The following PTPRT variants were observed in gnomAD, a reference collection of about 807,000 sequenced individuals.
PTPRT encodes receptor-type tyrosine-protein phosphatase T.
A neutral mutation model predicts 176.8 loss-of-function variants in PTPRT; 56 were observed. The observed-to-expected ratio is 0.32, with a 90% CI of 0.26 to 0.40. The LOEUF (loss-of-function observed/expected upper bound fraction) is 0.40, where lower values mean the gene tolerates loss of function less well. PTPRT is among the 10% of genes least tolerant of loss of function. The probability of loss-of-function intolerance (pLI) is 1.00; values close to 1 mark genes in which losing one functional copy is unlikely to be tolerated. For synonymous variants in PTPRT, 783 were observed against 739.0 expected, an observed-to-expected ratio of 1.06 and a Z score of -0.96; for missense variants, 1,540 against 1,908.2, an observed-to-expected ratio of 0.81 and a Z score of 3.60.
Position 42,080,703 on chromosome 20 carries a change from C to G in PTPRT, c.*176G>C. The stretch of plus-strand genomic sequence containing the variant: ...TTTGGAGCAGCATCTCCCACGGCAA[C>G]AGGAGACCCCTCAGAAGGTGCAGAG... On this transcript the variant is annotated 3_prime_UTR_variant, in exon 31 of 31. Transcript: ENST00000373187. The G allele has an allele frequency of 1.9e-6, 1 of 520,916 alleles. No individual in the cohort carries two copies. The highest frequency in any genetic ancestry group is 3.4e-6 in the Non-Finnish European group (1 of 296,378). 32.3% of individuals were successfully genotyped at this position (520,916 alleles called of 1,614,324 possible). A position where few individuals can be genotyped will look rare whatever the true frequency, so the allele number is the denominator to read the frequency against.
intron 2 of PTPRT, among the ~76,000 whole-genome samples, chr20:42,830,205 C>T (rs1467271611): frequency 6.6e-6 from 1 of 152,200 alleles, no homozygotes; most frequent in Non-Finnish European, 1.5e-5. Flanking sequence ...CAGCAAAATA[C>T]TTGCAAACCA....
intron 6 of PTPRT, among the ~76,000 whole-genome samples, chr20:42,707,614 C>G (rs1169619162): frequency 3.3e-5 from 5 of 152,068 alleles, no homozygotes; most frequent in Non-Finnish European, 7.4e-5. Context: ...AGAAATGGGG[C>G]CTTCAGTCCC....
chr20:42,809,453 C>G (rs1392233306), intron 2 of PTPRT, among the ~76,000 whole-genome samples: 1 of 152,168 alleles, frequency 6.6e-6, no homozygotes, highest in Admixed American at 6.5e-5. Context: ...GACAGAAACC[C>G]TGGCTTGGAG....
chr20:42,481,805 C>T (rs1343165081), intron 7 of PTPRT, among the ~76,000 whole-genome samples: 6 of 135,874 alleles, frequency 4.4e-5, no homozygotes, highest in South Asian at 2.2e-4. Flanking sequence ...CACACACACA[C>T]GCGCGCATGT....
chr20:42,677,831 C>G (rs1192587511), intron 7 of PTPRT, 35 bp downstream of exon 7: 10 of 1,574,644 alleles, frequency 6.4e-6, no homozygotes, highest in Non-Finnish European at 8.6e-6. Flanking sequence ...AGCACAGCCT[C>G]TCATAATGGA....
intron 1 of PTPRT, among the ~76,000 whole-genome samples, chr20:43,124,999 T>A (rs1209922276): frequency 2.6e-5 from 3 of 115,526 alleles, no homozygotes; most frequent in Non-Finnish European, 6.1e-5. Flanking sequence ...ATTTGGGAAA[T>A]TTTTTTTTTT....
intron 6 of PTPRT, among the ~76,000 whole-genome samples, chr20:42,709,627 G>A (rs1025083643): frequency 1.3e-5 from 2 of 152,088 alleles, no homozygotes; most frequent in Admixed American, 6.5e-5. Flanking sequence ...ATGTAAAATG[G>A]ACTAACACAG....
At chr20:42,472,619 G>A in intron 7 of PTPRT, 57 bp from the exon 8 acceptor site, 3 of 1,548,560 alleles carry the variant, frequency 1.9e-6, no homozygotes, top group East Asian at 2.3e-5. Flanking sequence ...GGAAGCTGGG[G>A]TACATGTTCT....
chr20:43,044,789 T>G (rs1009767104), intron 1 of PTPRT, among the ~76,000 whole-genome samples: 1 of 152,328 alleles, frequency 6.6e-6, no homozygotes, highest in South Asian at 2.1e-4. Flanking sequence ...GACAACTCAA[T>G]AAAATATTAT....
At chr20:42,454,748 T>C (rs911798013) in intron 8 of PTPRT, among the ~76,000 whole-genome samples, 5 of 152,244 alleles carry the variant, frequency 3.3e-5, no homozygotes, top group Admixed American at 2.6e-4. Flanking sequence ...TTCTTAATTT[T>C]AATGTACTCA....
At chr20:42,089,001 T>C (rs1038313372) in intron 27 of PTPRT, among the ~76,000 whole-genome samples, 1 of 152,220 alleles carries the variant, frequency 6.6e-6, no homozygotes, top group Non-Finnish European at 1.5e-5. Context: ...CCCTCATAAA[T>C]AGCATAAGTA....
intron 9 of PTPRT, among the ~76,000 whole-genome samples, chr20:42,381,702 G>T (rs2058699795): frequency 6.6e-6 from 1 of 152,006 alleles, no homozygotes; most frequent in Non-Finnish European, 1.5e-5. Flanking sequence ...AGAAGGGAAG[G>T]GAGAAGAAAA....
chr20:42,501,310 G>T (rs574963877), intron 7 of PTPRT, among the ~76,000 whole-genome samples: 1 of 152,042 alleles, frequency 6.6e-6, no homozygotes, highest in Non-Finnish European at 1.5e-5. Flanking sequence ...GTATAAAAGC[G>T]CATTACATGA....
intron 2 of PTPRT, among the ~76,000 whole-genome samples, chr20:42,883,972 CACACGCAT>C (rs1484033783): frequency 6.6e-6 from 1 of 151,932 alleles, no homozygotes; most frequent in African/African-American, 2.4e-5. Flanking sequence ...TACACACACA[CACACGCAT>C]ACACACACGT....
intron 9 of PTPRT, among the ~76,000 whole-genome samples, chr20:42,427,032 A>C (rs13433096): frequency 0.14 from 22,000 of 151,926 alleles, 2,413 homozygotes; most frequent in African/African-American, 0.3. Flanking sequence ...ATTTATAAAT[A>C]TTTCCTGGCC....
intron 13 of PTPRT, among the ~76,000 whole-genome samples, chr20:42,264,326 G>T (rs1027979380): frequency 1.3e-5 from 2 of 152,182 alleles, no homozygotes; most frequent in Non-Finnish European, 2.9e-5. Flanking sequence ...ACGGGCAACA[G>T]AAAATGGCAG....
At chr20:42,469,689 C>G (rs1240901709) in intron 8 of PTPRT, among the ~76,000 whole-genome samples, 1 of 148,098 alleles carries the variant, frequency 6.8e-6, no homozygotes, top group Admixed American at 6.9e-5. Context: ...GGAAGTTTTA[C>G]AGAGTCTACT....
intron 6 of PTPRT, among the ~76,000 whole-genome samples, chr20:42,741,965 G>C (rs2076617336): frequency 6.6e-6 from 1 of 152,194 alleles, no homozygotes; most frequent in Non-Finnish European, 1.5e-5. Context: ...ATCTGAAAAA[G>C]TTGGTTGGTC....
At chr20:42,394,042 CTTTT>C (rs200838113) in intron 9 of PTPRT, among the ~76,000 whole-genome samples, 5 of 138,502 alleles carry the variant, frequency 3.6e-5, no homozygotes, top group Admixed American at 7.3e-5. Flanking sequence ...TGTGACAGGT[CTTTT>C]TTTTTTTTTT....
Sources: allele counts gnomAD v4.1 joint callset (sites outside exome capture counted in the v4.1 genomes callset), GRCh38; gene constraint gnomAD v4.1.1; transcripts MANE v1.5; gene names NCBI Gene and HGNC (gene_info 2026-07-23, HGNC 2026-07-21).